The following KCNIP4 variants were observed in gnomAD, a reference collection of about 807,000 sequenced individuals.
The protein encoded by KCNIP4 is potassium voltage-gated channel interacting protein 4.
Under a neutral mutation model 34.0 loss-of-function variants are expected in KCNIP4, and 12 were observed. The ratio of observed to expected loss-of-function variants is 0.35; its 90% CI spans 0.23 to 0.57. The LOEUF (loss-of-function observed/expected upper bound fraction) is 0.57. Among genes scored for constraint, KCNIP4 ranks in the 20% least tolerant of loss-of-function variants. The pLI, the probability that KCNIP4 is intolerant of heterozygous loss-of-function variation, is 0.83. For synonymous variants in KCNIP4, 124 were observed against 102.2 expected, an observed-to-expected ratio of 1.21 and a Z score of -1.29; for missense variants, 238 against 311.7, an observed-to-expected ratio of 0.76 and a Z score of 1.78.
intron 1 of KCNIP4, among the ~76,000 whole-genome samples, chr4:21,039,342 C>T (rs1342329771): frequency 6.6e-6 from 1 of 150,778 alleles, no homozygotes; most frequent in Non-Finnish European, 1.5e-5. Context: ...TGCACTCCAG[C>T]CTGGGCGATG....
Position 21,746,606 on chromosome 4 carries a change from C to A in KCNIP4, c.61+201965G>T, listed in dbSNP as rs142861643. On this transcript the variant is annotated intron_variant, in intron 1 of 8. Transcript: ENST00000382152. ...TCAAGAAAAAATAAAAAAAAAAGCA[C>A]ATTTAGATATGAGCATATTAACTTC... Among the ~76,000 whole-genome samples the A allele has an allele frequency of 1.1e-3, 165 of 151,226 alleles. 1 individual carries two copies. Among genetic ancestry groups the A allele is most frequent in the African/African-American group, 3.8e-3 (156 of 41,204 alleles).
At chr4:21,675,965 G>A (rs1212004966) in intron 1 of KCNIP4, among the ~76,000 whole-genome samples, 4 of 152,110 alleles carry the variant, frequency 2.6e-5, no homozygotes, top group Non-Finnish European at 5.9e-5. Flanking sequence ...CCAAGAACAG[G>A]GTCCTAGCTT....
chr4:21,111,767 A>G (rs2109104313), intron 1 of KCNIP4, among the ~76,000 whole-genome samples: 1 of 152,300 alleles, frequency 6.6e-6, no homozygotes, highest in African/African-American at 2.4e-5. Context: ...TGCAGGCAGG[A>G]ATGAACAGGA....
intron 1 of KCNIP4, among the ~76,000 whole-genome samples, chr4:21,800,605 A>C (rs1270312540): frequency 6.6e-6 from 1 of 152,148 alleles, no homozygotes; most frequent in Non-Finnish European, 1.5e-5. Flanking sequence ...CCCACTCCCC[A>C]ATCATGTACA....
intron 2 of KCNIP4, among the ~76,000 whole-genome samples, chr4:20,864,100 GTATGTATGTATACA>G (rs1560525204): frequency 7.1e-6 from 1 of 140,428 alleles, no homozygotes; most frequent in East Asian, 2.0e-4. Context: ...GCATGTATAC[GTATGTATGTATACA>G]TATCCATGTA....
chr4:21,862,646 G>T (rs1264013428), intron 1 of KCNIP4, among the ~76,000 whole-genome samples: 1 of 152,172 alleles, frequency 6.6e-6, no homozygotes, highest in Non-Finnish European at 1.5e-5. Context: ...CAGATGGTAG[G>T]TGTTCAATAA....
At chr4:21,589,545 T>A (rs1394505792) in intron 1 of KCNIP4, among the ~76,000 whole-genome samples, 1 of 151,584 alleles carries the variant, frequency 6.6e-6, no homozygotes, top group Non-Finnish European at 1.5e-5. Flanking sequence ...ATAAGCAGAC[T>A]AAATACTGTA....
rs149229285 is a variant in KCNIP4, at chr4:21,569,784, G to T, written c.61+378787C>A. On this transcript the variant is annotated intron_variant, in intron 1 of 8. Transcript: ENST00000382152. ...TTAGGAAGTTGCTACCATTCTTCAG[G>T]CCAGCAGGGGAGAAAAAAAGAAAGA... 6.5e-3 allele frequency among the ~76,000 whole-genome samples: 986 copies of T among 152,126 alleles called. 18 individuals are homozygous for T. The highest frequency in any genetic ancestry group is 0.023 in the African/African-American group (935 of 41,506).
At chr4:21,208,734 A>T (rs1356590399) in intron 1 of KCNIP4, among the ~76,000 whole-genome samples, 1 of 152,012 alleles carries the variant, frequency 6.6e-6, no homozygotes, top group Non-Finnish European at 1.5e-5. Context: ...GTCCATTTTC[A>T]TACTGCTGTA....
In KCNIP4 at chr4:21,373,090, T is replaced by A. The variant is rs920987044; in HGVS notation, c.62-490381A>T. On this transcript the variant is annotated intron_variant, in intron 1 of 8. Coordinates refer to ENST00000382152, the MANE Select transcript of KCNIP4 (RefSeq NM_025221.6). Reference sequence around the variant, plus strand: ...GGCTCAGTGAACAGATTAAAAAAAATTTTCTAATGGTAAATAATCCTGTAA... The same window carrying A: ...GGCTCAGTGAACAGATTAAAAAAAAATTTCTAATGGTAAATAATCCTGTAA... 1.1e-4 allele frequency among the ~76,000 whole-genome samples: 16 copies of A among 140,590 alleles called. 2 individuals carry two copies. The highest frequency in any genetic ancestry group is 4.1e-4 in the East Asian group (2 of 4,846). The allele number at this position is 140,590 out of a possible 152,430, so 92.2% of individuals were successfully genotyped here.
chr4:20,986,152 T>C (rs1736557233), intron 1 of KCNIP4, among the ~76,000 whole-genome samples: 1 of 152,160 alleles, frequency 6.6e-6, no homozygotes, highest in Admixed American at 6.5e-5. Context: ...GACTTTGCTT[T>C]TCCCTGGTCC....
chr4:21,694,914 CA>C (rs368053041), intron 1 of KCNIP4, among the ~76,000 whole-genome samples: 1,224 of 46,516 alleles, frequency 0.026, 25 homozygotes, highest in African/African-American at 0.07. Context: ...CACGATTGAC[CA>C]AAAAAAAAAA....
intron 1 of KCNIP4, among the ~76,000 whole-genome samples, chr4:20,891,487 C>T (rs554356216): frequency 2.0e-5 from 3 of 152,196 alleles, no homozygotes; most frequent in Non-Finnish European, 2.9e-5. Context: ...TGCCTGTAGT[C>T]CCAGCTACTC....
chr4:21,051,031 G>T (rs1007114950), intron 1 of KCNIP4, among the ~76,000 whole-genome samples: 1 of 152,112 alleles, frequency 6.6e-6, no homozygotes, highest in African/African-American at 2.4e-5. Context: ...ATGCATCAGG[G>T]ATTTGGTATT....
chr4:21,364,917 G>A (rs1026512187), intron 1 of KCNIP4, among the ~76,000 whole-genome samples: 3 of 152,146 alleles, frequency 2.0e-5, no homozygotes, highest in Non-Finnish European at 2.9e-5. Flanking sequence ...GTCAGAAAAG[G>A]ACATTGCAAG....
intron 1 of KCNIP4, among the ~76,000 whole-genome samples, chr4:21,158,758 C>T (rs532951840): frequency 2.0e-5 from 3 of 151,940 alleles, no homozygotes; most frequent in Admixed American, 6.6e-5. Flanking sequence ...CTTACCTGTT[C>T]GAATTGTATA....
Position 21,203,765 on chromosome 4 carries a change from T to A in KCNIP4, c.62-321056A>T, listed in dbSNP as rs189542755. ...ACTTCCTATCTATGTCTTATGAATG[T>A]CTTAAAGAATTTTCATAAACTTGAA... is the stretch of plus-strand genomic sequence containing the variant. On this transcript the variant is annotated intron_variant, in intron 1 of 8. Coordinates refer to ENST00000382152, the MANE Select transcript of KCNIP4 (RefSeq NM_025221.6). 2.0e-5 allele frequency among the ~76,000 whole-genome samples: 3 copies of A among 152,338 alleles called. No individual in the cohort carries two copies. The East Asian group carries it at 5.8e-4, about 29-fold the overall frequency.
intron 2 of KCNIP4, among the ~76,000 whole-genome samples, chr4:20,862,446 T>G (rs1454183318): frequency 1.3e-5 from 2 of 152,090 alleles, no homozygotes; most frequent in Middle Eastern, 3.4e-3. Context: ...AACTTACACA[T>G]AAAGACAGAC....
At chr4:20,882,202 A>ATT (rs1183138432) in intron 2 of KCNIP4, among the ~76,000 whole-genome samples, 14 of 152,298 alleles carry the variant, frequency 9.2e-5, no homozygotes, top group Admixed American at 2.0e-4. Context: ...ATCTAGTGAT[A>ATT]TTTCTGAATT....
Sources: allele counts gnomAD v4.1 joint callset (sites outside exome capture counted in the v4.1 genomes callset), GRCh38; gene constraint gnomAD v4.1.1; transcripts MANE v1.5; gene names NCBI Gene and HGNC (gene_info 2026-07-23, HGNC 2026-07-21).